The following CFAP161 variants were observed in gnomAD, a reference collection of about 807,000 sequenced individuals.
CFAP161 encodes the protein cilia- and flagella-associated protein 161.
Under a neutral mutation model 29.0 loss-of-function variants are expected in CFAP161, and 25 were observed. That is an observed-to-expected ratio of 0.86 (90% CI 0.63 to 1.20). The LOEUF (loss-of-function observed/expected upper bound fraction) is 1.20. CFAP161 is among the 50% of genes most tolerant of loss of function. The pLI is 0.00. For synonymous variants in CFAP161, 116 were observed against 137.4 expected (o/e 0.84, Z 1.09); for missense variants, 367 against 371.9 (o/e 0.99, Z 0.11).
rs184823365 is a variant in CFAP161, at chr15:81,110,787, A to C, written c.-141-16803A>C. On this transcript the variant is annotated intron_variant, in intron 1 of 4. Transcript: ENST00000560091. Reference sequence around the variant, plus strand: ...GATGATCAAGGGCACTAAAAAGGGGATGCAAGACCTTAGGCTCATAGTCCT... The same window carrying C: ...GATGATCAAGGGCACTAAAAAGGGGCTGCAAGACCTTAGGCTCATAGTCCT... 1.5e-3 allele frequency among the ~76,000 whole-genome samples: 232 copies of C among 152,312 alleles called. 1 individual carries two copies. The highest frequency in any genetic ancestry group is 5.1e-3 in the African/African-American group (210 of 41,562).
intron 1 of CFAP161, among the ~76,000 whole-genome samples, chr15:81,118,758 AAG>A (rs1894533549): frequency 6.6e-6 from 1 of 152,246 alleles, no homozygotes; most frequent in South Asian, 2.1e-4. Context: ...CAAACCACCC[AAG>A]AGAGAATGTA....
chr15:81,133,214 TA>T (rs1567156381), upstream of CFAP161, among the ~76,000 whole-genome samples: 1,094 of 42,232 alleles, frequency 0.026, 67 homozygotes, highest in Non-Finnish European at 0.036. Context: ...TATATATATA[TA>T]TATATATATG....
intron 1 of CFAP161, among the ~76,000 whole-genome samples, chr15:81,103,762 T>G (rs936910828): frequency 6.6e-6 from 1 of 152,198 alleles, no homozygotes; most frequent in Admixed American, 6.5e-5. Context: ...GAAGGTCACA[T>G]GCTCTGGAGG....
chr15:81,110,588 G>T (rs974789287), intron 1 of CFAP161, among the ~76,000 whole-genome samples: 6 of 152,142 alleles, frequency 3.9e-5, no homozygotes, highest in African/African-American at 1.4e-4. Context: ...CTGGGTCCAT[G>T]CCGGCATTCC....
chr15:81,136,150 C>T (rs1235683891), intron 2 of CFAP161, among the ~76,000 whole-genome samples: 1 of 152,124 alleles, frequency 6.6e-6, no homozygotes, highest in East Asian at 1.9e-4. Context: ...ATTTTAGAAA[C>T]ATAAACAGTC....
chr15:81,102,409 T>C (rs1894313776), intron 1 of CFAP161, among the ~76,000 whole-genome samples: 1 of 152,158 alleles, frequency 6.6e-6, no homozygotes, highest in African/African-American at 2.4e-5. Flanking sequence ...GGCTCACACC[T>C]ATAATCCCAG....
In CFAP161 at chr15:81,134,272, C is replaced by T. The variant is rs955230192; in HGVS notation, c.-58C>T. ...GCCTGGGGCCGGGTCGTCATGGCGACGCGCCACGCTAACGCATGGTGTCGG... is the reference window on the plus strand; with the variant it reads ...GCCTGGGGCCGGGTCGTCATGGCGATGCGCCACGCTAACGCATGGTGTCGG... On this transcript the variant is annotated 5_prime_UTR_variant, in exon 1 of 7. In the 5' UTR this introduces an upstream ATG that the reference lacks. Transcript: ENST00000286732. The T allele has an allele frequency of 1.1e-5, 17 of 1,546,032 alleles. No individual in the cohort carries two copies. The highest frequency in any genetic ancestry group is 1.8e-4 in the Middle Eastern group (1 of 5,712).
chr15:81,100,073 A>G (rs562681682), intron 1 of CFAP161, among the ~76,000 whole-genome samples: 1 of 151,944 alleles, frequency 6.6e-6, no homozygotes, highest in South Asian at 2.1e-4. Context: ...TAAGTGTTAT[A>G]AGAGGAGAAA....
intron 1 of CFAP161, among the ~76,000 whole-genome samples, chr15:81,105,879 A>G (rs1567150120): frequency 6.6e-6 from 1 of 152,214 alleles, no homozygotes; most frequent in Non-Finnish European, 1.5e-5. Context: ...TGTGAAAAAG[A>G]AACTGAACAA....
chr15:81,127,189 G>C (rs1595913859), intron 1 of CFAP161, among the ~76,000 whole-genome samples: 1 of 152,304 alleles, frequency 6.6e-6, no homozygotes, highest in African/African-American at 2.4e-5. Flanking sequence ...GAGAACATCA[G>C]GAATTTAGAC....
chr15:81,147,764 TA>T, intron 5 of CFAP161, 93 bp from the exon 6 acceptor site: 1 of 732,654 alleles, frequency 1.4e-6, no homozygotes, highest in Non-Finnish European at 2.2e-6. Context: ...ATGTATAGTA[TA>T]ATCCCAAATT....
intron 1 of CFAP161, among the ~76,000 whole-genome samples, chr15:81,119,142 A>G (rs953987008): frequency 6.6e-6 from 1 of 152,222 alleles, no homozygotes; most frequent in Non-Finnish European, 1.5e-5. Context: ...AGTGTTTTCC[A>G]TGAAAAGCAA....
intron 1 of CFAP161, among the ~76,000 whole-genome samples, chr15:81,104,606 T>A (rs1330125151): frequency 2.6e-5 from 4 of 152,236 alleles, no homozygotes; most frequent in Non-Finnish European, 5.9e-5. Flanking sequence ...TGCATTTGGA[T>A]CTCACAGGCT....
chr15:81,144,046 T>C (rs1199002297), intron 5 of CFAP161, among the ~76,000 whole-genome samples: 2 of 152,314 alleles, frequency 1.3e-5, no homozygotes, highest in East Asian at 3.9e-4. Context: ...GACTTATAGC[T>C]CAAATGCCTT....
chr15:81,127,063 G>A (rs368855515), intron 1 of CFAP161, among the ~76,000 whole-genome samples: 1 of 152,264 alleles, frequency 6.6e-6, no homozygotes, highest in Admixed American at 6.5e-5. Context: ...ACAAGAACAG[G>A]CCATAATATG....
rs1021251390 is a variant in CFAP161, at chr15:81,112,458, G to C, written c.-141-15132G>C. The stretch of plus-strand genomic sequence containing the variant: ...CATCAAATAATGAAAACAATACATA[G>C]AGCATGTTATATCTTTATGAACTTA... On this transcript the variant is annotated intron_variant, in intron 1 of 4. Coordinates refer to the CFAP161 transcript ENST00000560091. 5.9e-5 allele frequency among the ~76,000 whole-genome samples: 9 copies of C among 152,144 alleles called. No individual in the cohort carries two copies. The East Asian group carries it at 1.7e-3, about 29-fold the overall frequency.
upstream of CFAP161, among the ~76,000 whole-genome samples, chr15:81,133,192 T>A: frequency 2.7e-5 from 1 of 36,862 alleles, no homozygotes; most frequent in Admixed American, 2.9e-4. Flanking sequence ...TATATATATA[T>A]ATATATATAT....
intron 1 of CFAP161, among the ~76,000 whole-genome samples, chr15:81,122,527 T>C (rs1894587838): frequency 1.3e-5 from 2 of 151,468 alleles, no homozygotes; most frequent in Admixed American, 6.6e-5. Flanking sequence ...ATTTCACTCT[T>C]GTTGCCCAGG....
At chr15:81,099,993 T>C (rs572426113) in intron 1 of CFAP161, among the ~76,000 whole-genome samples, 1 of 152,196 alleles carries the variant, frequency 6.6e-6, no homozygotes, top group African/African-American at 2.4e-5. Context: ...CTTTGCCTCA[T>C]AGATGCATGA....
Sources: allele counts gnomAD v4.1 joint callset (sites outside exome capture counted in the v4.1 genomes callset), GRCh38; gene constraint gnomAD v4.1.1; transcripts MANE v1.5; gene names NCBI Gene and HGNC (gene_info 2026-07-23, HGNC 2026-07-21).